Variants in CNOT2 observed in about 807,000 individuals in gnomAD.
CNOT2 encodes the protein CC chemokine receptor 4-negative regulator of transcription 2.
In CNOT2, 7 loss-of-function variants were observed where a neutral mutation model predicts 72.1. The observed-to-expected ratio is 0.10, with a 90% CI of 0.06 to 0.18. The LOEUF (loss-of-function observed/expected upper bound fraction) is 0.18. Among genes scored for constraint, CNOT2 ranks in the 10% least tolerant of loss-of-function variants. CNOT2 has a pLI of 1.00. For synonymous variants in CNOT2, 196 were observed against 225.6 expected, an observed-to-expected ratio of 0.87 and a Z score of 1.17; for missense variants, 345 against 660.3, an observed-to-expected ratio of 0.52 and a Z score of 5.23.
chr12:70,323,065 TCTC>T (rs780993159), intron 4 of CNOT2: 1 of 151,556 alleles, frequency 6.6e-6, no homozygotes, highest in Non-Finnish European at 1.5e-5. Context: ...TCTATACCAT[TCTC>T]CTTGAGGAGA....
At position 70,278,187 on chromosome 12, in the gene CNOT2, T is replaced by A; in HGVS notation, c.-40T>A. On this transcript the variant is annotated 5_prime_UTR_variant, in exon 2 of 16. Transcript: ENST00000229195. ...ACACGACCCTTGAGTGACAGTTCTA[T>A]TTGATTGCCTCCGGTACTGTGAGGA... 1 of 1,527,424 alleles carries A rather than the reference T, an allele frequency of 6.5e-7. No individual in the cohort carries two copies. The highest frequency in any genetic ancestry group is 2.3e-5 in the East Asian group (1 of 44,302). The allele number at this position is 1,527,424 out of a possible 1,614,324, so 94.6% of individuals were successfully genotyped here.
At chr12:70,294,379 A>G in intron 2 of CNOT2, 1 of 842,080 alleles carries the variant, frequency 1.2e-6, no homozygotes, top group Non-Finnish European at 1.7e-6. Context: ...TTTATCAATG[A>G]GTCATTTTGT....
chr12:70,298,305 T>G (rs993271007), intron 2 of CNOT2, among the ~76,000 whole-genome samples: 1 of 152,178 alleles, frequency 6.6e-6, no homozygotes, highest in African/African-American at 2.4e-5. Flanking sequence ...TTTTATTTGC[T>G]CCTTACTGCT....
At chr12:70,314,625 G>C (rs1877008251) in intron 3 of CNOT2, among the ~76,000 whole-genome samples, 1 of 151,978 alleles carries the variant, frequency 6.6e-6, no homozygotes, top group Admixed American at 6.6e-5. Flanking sequence ...AAAATTTGAG[G>C]CTCAAGTGTT....
intron 1 of CNOT2, among the ~76,000 whole-genome samples, chr12:70,253,394 G>A (rs1958248703): frequency 6.6e-6 from 1 of 152,164 alleles, no homozygotes; most frequent in South Asian, 2.1e-4. Context: ...TGGTTCCCAT[G>A]CCATTTCCTT....
intron 2 of CNOT2, among the ~76,000 whole-genome samples, chr12:70,283,734 C>T (rs1023777540): frequency 4.0e-5 from 6 of 150,870 alleles, no homozygotes; most frequent in Non-Finnish European, 8.8e-5. Flanking sequence ...GCCTTGCAAC[C>T]AGATGGCTGT....
At position 70,335,555 on chromosome 12, in the gene CNOT2, C is replaced by T. The variant is rs1337561351; in HGVS notation, c.767C>T (p.Ala256Val). The T allele has an allele frequency of 1.9e-6, 3 of 1,610,162 alleles. No homozygotes were observed. Among genetic ancestry groups the T allele is most frequent in the Non-Finnish European group, 2.5e-6 (3 of 1,176,902 alleles). ...TPLINPLAGR[A>V]PYVGMVTKPA... ...TTAATAAACCCCTTGGCTGGAAGAG[C>T]TCCTTATGGTAATTAAGCTTTTTAA... is the stretch of plus-strand genomic sequence containing the variant. Residue 256 changes from alanine (A) to valine (V), a missense_variant, in exon 8 of 16, where the codon GCT (alanine) becomes GTT (valine). Coordinates refer to ENST00000229195, the MANE Select transcript of CNOT2 (RefSeq NM_014515.7).
At chr12:70,334,143 C>G (rs1289638581) in intron 7 of CNOT2, among the ~76,000 whole-genome samples, 2 of 151,896 alleles carry the variant, frequency 1.3e-5, no homozygotes, top group African/African-American at 4.8e-5. Flanking sequence ...TAAATTCCAT[C>G]TTGGAGGACC....
chr12:70,264,654 G>C (rs1279663963), intron 1 of CNOT2, among the ~76,000 whole-genome samples: 1 of 152,086 alleles, frequency 6.6e-6, no homozygotes, highest in African/African-American at 2.4e-5. Context: ...AATTCTGTTG[G>C]CCTGTCTGTC....
At chr12:70,243,415 G>T (rs1310648017), upstream of CNOT2, 2 of 152,656 alleles carry the variant, frequency 1.3e-5, no homozygotes, top group African/African-American at 4.8e-5. Context: ...TAAAGGTCTT[G>T]CTCCCAGCAG....
intron 1 of CNOT2, among the ~76,000 whole-genome samples, chr12:70,247,661 G>A (rs1463778979): frequency 6.6e-6 from 1 of 152,154 alleles, no homozygotes; most frequent in African/African-American, 2.4e-5. Flanking sequence ...ATTATAGAAT[G>A]TCACACTGTA....
chr12:70,293,348 AGG>A (rs1872263820), intron 2 of CNOT2, among the ~76,000 whole-genome samples: 3 of 151,766 alleles, frequency 2.0e-5, no homozygotes, highest in Non-Finnish European at 4.4e-5. Flanking sequence ...TTAATAGAGA[AGG>A]GTTTCTCCAT....
rs376975586 is a variant in CNOT2, at chr12:70,260,710, AT to A, written c.-96+17232del. Among the ~76,000 whole-genome samples, 331 of 152,128 alleles carry A rather than the reference AT, an allele frequency of 2.2e-3. 2 individuals are homozygous for A. Among genetic ancestry groups the A allele is most frequent in the African/African-American group, 7.8e-3 (324 of 41,520 alleles). ...CTCTTCAGGTGTCAGTTTTTGCTTC[AT>A]TCATTTCGGTGCTCTTTTGTTAGGT... On this transcript the variant is annotated intron_variant, in intron 1 of 15. Transcript: ENST00000229195.
intron 1 of CNOT2, among the ~76,000 whole-genome samples, chr12:70,276,984 T>C (rs1868931983): frequency 6.6e-6 from 1 of 151,996 alleles, no homozygotes; most frequent in African/African-American, 2.4e-5. Context: ...GTTCTGCCCG[T>C]ATAGATTGCT....
At chr12:70,335,232 G>C in intron 7 of CNOT2, 1 of 427,030 alleles carries the variant, frequency 2.3e-6, no homozygotes, top group South Asian at 3.7e-5. Context: ...TGCTGGTTGC[G>C]TATTCCTTTG....
intron 4 of CNOT2, among the ~76,000 whole-genome samples, chr12:70,324,916 T>C (rs1878848767): frequency 6.6e-6 from 1 of 151,860 alleles, no homozygotes; most frequent in Admixed American, 6.6e-5. Context: ...GTCTCATATG[T>C]TATTTAATTC....
Position 70,337,421 on chromosome 12 carries a change from T to A in CNOT2, c.808T>A (p.Ser270Thr). Reference sequence around the variant, plus strand: ...GGTAACAAAACCAGCAAATGAACAATCCCAGGACTTCTCAATACACAATGA... The same window carrying A: ...GGTAACAAAACCAGCAAATGAACAAACCCAGGACTTCTCAATACACAATGA... The part of the protein sequence containing the change: ...GMVTKPANEQ[S>T]QDFSIHNEDF... Residue 270 changes from serine to threonine, a missense_variant, in exon 9 of 16, where the codon TCC becomes ACC. Physicochemically the swap from Ser to Thr is moderately conservative, Grantham distance 58. This residue lies in a region of CNOT2 where 128 missense variants were observed against 233.0 expected (regional missense o/e 0.55). Transcript: ENST00000229195. 1 of 1,609,444 alleles carries A rather than the reference T, an allele frequency of 6.2e-7. No homozygotes were observed. Among genetic ancestry groups the A allele is most frequent in the Non-Finnish European group, 8.5e-7 (1 of 1,176,326 alleles).
At chr12:70,335,770 A>G in intron 8 of CNOT2, 1 of 370,548 alleles carries the variant, frequency 2.7e-6, no homozygotes, top group Non-Finnish European at 4.9e-6. Flanking sequence ...TAAATGGGAA[A>G]ACTTTGTACA....
chr12:70,272,489 A>G (rs866146070), intron 1 of CNOT2, among the ~76,000 whole-genome samples: 2 of 152,236 alleles, frequency 1.3e-5, no homozygotes, highest in African/African-American at 2.4e-5. Context: ...AAGAAAGGCA[A>G]TATGGCTAGT....
Sources: gnomAD v4.1 joint callset for allele counts (sites outside exome capture counted in the v4.1 genomes callset) on GRCh38, gnomAD v4.1.1 for gene constraint, gnomAD v4.1.1 regional missense constraint, MANE v1.5 for transcripts, NCBI Gene and HGNC (gene_info 2026-07-23, HGNC 2026-07-21) for gene names.